SLC8A3: variants seen among roughly 807,000 people sequenced by gnomAD.
SLC8A3 encodes the protein sodium/calcium exchanger 3.
SLC8A3 carries 37 observed loss-of-function variants against 65.4 expected under a neutral mutation model. The ratio of observed to expected loss-of-function variants is 0.57; its 90% CI spans 0.44 to 0.74. SLC8A3 has a LOEUF of 0.74. Ranked by LOEUF, SLC8A3 falls within the 30% of genes least tolerant of loss-of-function variation. The probability of loss-of-function intolerance (pLI) is 0.00; values close to 1 mark genes in which losing one functional copy is unlikely to be tolerated. For missense variants in SLC8A3, 1,112 were observed against 1,172.1 expected (o/e 0.95, Z 0.75); for synonymous variants, 461 against 444.5 (o/e 1.04, Z -0.47).
intron 2 of SLC8A3, among the ~76,000 whole-genome samples, chr14:70,064,453 G>C (rs1044796766): frequency 3.3e-5 from 5 of 151,484 alleles, no homozygotes; most frequent in African/African-American, 9.7e-5. Flanking sequence ...AAACTGGTTT[G>C]TGGAAATCTT....
intron 2 of SLC8A3, among the ~76,000 whole-genome samples, chr14:70,164,389 A>G (rs1273263739): frequency 1.3e-5 from 2 of 152,174 alleles, no homozygotes; most frequent in East Asian, 3.9e-4. Context: ...TTATTCTGCA[A>G]TGAATGAAGT....
chr14:70,049,269 G>T (rs1210498731), intron 5 of SLC8A3, among the ~76,000 whole-genome samples: 1 of 152,200 alleles, frequency 6.6e-6, no homozygotes, highest in Admixed American at 6.5e-5. Context: ...TAGAGTGGGA[G>T]AGAGAGGGCC....
At chr14:70,075,540 G>A (rs1890426128) in intron 2 of SLC8A3, among the ~76,000 whole-genome samples, 2 of 152,076 alleles carry the variant, frequency 1.3e-5, no homozygotes, top group South Asian at 2.1e-4. Context: ...TTGGGCTTGC[G>A]TGAGTGGCCC....
intron 1 of SLC8A3, among the ~76,000 whole-genome samples, 155 bp downstream of exon 1, chr14:70,188,224 A>C (rs903798013): frequency 1.3e-5 from 2 of 152,144 alleles, no homozygotes; most frequent in African/African-American, 4.8e-5. Context: ...AATCCACAGG[A>C]AGGCGGTTCA....
chr14:70,106,639 T>C lies in SLC8A3; in HGVS notation c.1785-45700A>G, dbSNP rs557679676. Among the ~76,000 whole-genome samples, 30 of 151,720 alleles carry C rather than the reference T, an allele frequency of 2.0e-4. No homozygotes were observed. In the South Asian group the frequency reaches 6.0e-3, roughly 31 times the overall value. ...TGCCTAGAAGAGTGCCAGTATGGAA[T>C]CATGACCTCACTAGAGTAAACTGGG... On this transcript the variant is annotated intron_variant, in intron 2 of 6. Transcript: ENST00000356921.
At chr14:70,106,878 T>C (rs1483363462) in intron 2 of SLC8A3, among the ~76,000 whole-genome samples, 1 of 152,142 alleles carries the variant, frequency 6.6e-6, no homozygotes, top group Non-Finnish European at 1.5e-5. Flanking sequence ...ACCTGACCTA[T>C]GGGAATCCAG....
chr14:70,185,826 T>C (rs1221577039), intron 1 of SLC8A3, among the ~76,000 whole-genome samples: 2 of 152,212 alleles, frequency 1.3e-5, no homozygotes, highest in Non-Finnish European at 2.9e-5. Context: ...ACTTCAAAAA[T>C]ATAAGTTCAG....
At chr14:70,052,254 T>C (rs1282137597) in intron 3 of SLC8A3, 140 bp from the exon 4 acceptor site, 2 of 1,057,108 alleles carry the variant, frequency 1.9e-6, no homozygotes, top group Non-Finnish European at 2.6e-6. Flanking sequence ...TTTTAGTGCC[T>C]TTTTTATGAA....
intron 3 of SLC8A3, among the ~76,000 whole-genome samples, chr14:70,055,478 T>C (rs1888001495): frequency 6.6e-6 from 1 of 152,196 alleles, no homozygotes; most frequent in Admixed American, 6.5e-5. Flanking sequence ...AGATGGCAGA[T>C]GAATTAAGAC....
chr14:70,131,926 T>A (rs960225740), intron 2 of SLC8A3, among the ~76,000 whole-genome samples: 1 of 152,038 alleles, frequency 6.6e-6, no homozygotes. Flanking sequence ...TGTCTTTAAC[T>A]GGGAGGAGGA....
chr14:70,048,652 AGAGG>A, intron 6 of SLC8A3, 111 bp downstream of exon 6: 1 of 910,750 alleles, frequency 1.1e-6, no homozygotes, highest in Non-Finnish European at 1.8e-6. Context: ...CTTTAAGGGC[AGAGG>A]CTCTGTTAAG....
intron 5 of SLC8A3, 44 bp downstream of exon 5, chr14:70,050,964 G>A (rs1032940046): frequency 1.6e-6 from 2 of 1,276,546 alleles, no homozygotes; most frequent in Non-Finnish European, 2.3e-6. Flanking sequence ...CTTCTCAGAG[G>A]TTGCCTGCTT....
chr14:70,109,260 G>C (rs1285361095), intron 2 of SLC8A3, among the ~76,000 whole-genome samples: 1 of 141,164 alleles, frequency 7.1e-6, no homozygotes, highest in Non-Finnish European at 1.5e-5. Context: ...TTGTTACATA[G>C]GTATACATGT....
chr14:70,181,743 T>C (rs1482063711), intron 1 of SLC8A3, among the ~76,000 whole-genome samples: 1 of 152,126 alleles, frequency 6.6e-6, no homozygotes, highest in Non-Finnish European at 1.5e-5. Flanking sequence ...TACAAGGAAC[T>C]GCAAAAAATG....
At chr14:70,149,501 T>C (rs1275073224) in intron 2 of SLC8A3, among the ~76,000 whole-genome samples, 8 of 152,162 alleles carry the variant, frequency 5.3e-5, no homozygotes, top group African/African-American at 1.9e-4. Context: ...TCTGAAGCTG[T>C]AATTGTTCTG....
At chr14:70,050,132 C>T (rs1887313743) in intron 5 of SLC8A3, among the ~76,000 whole-genome samples, 1 of 152,174 alleles carries the variant, frequency 6.6e-6, no homozygotes, top group African/African-American at 2.4e-5. Flanking sequence ...CAGTCCCCTC[C>T]TTTGTAAAAG....
intron 2 of SLC8A3, among the ~76,000 whole-genome samples, chr14:70,099,592 T>C (rs1892427828): frequency 6.6e-6 from 1 of 152,222 alleles, no homozygotes; most frequent in Admixed American, 6.5e-5. Flanking sequence ...GTAAATGGTC[T>C]ACAAATGTAG....
At chr14:70,088,467 T>G (rs914150482) in intron 2 of SLC8A3, among the ~76,000 whole-genome samples, 2 of 152,294 alleles carry the variant, frequency 1.3e-5, no homozygotes. Flanking sequence ...CATCAGGCTA[T>G]CAATGCTTCT....
chr14:70,084,524 A>G (rs974253389), intron 2 of SLC8A3, among the ~76,000 whole-genome samples: 6 of 152,224 alleles, frequency 3.9e-5, no homozygotes, highest in African/African-American at 1.2e-4. Context: ...CTAAAGTAGC[A>G]AACTTGTCAT....
Sources: gnomAD v4.1 joint callset for allele counts (sites outside exome capture counted in the v4.1 genomes callset) on GRCh38, gnomAD v4.1.1 for gene constraint, MANE v1.5 for transcripts, NCBI Gene and HGNC (gene_info 2026-07-23, HGNC 2026-07-21) for gene names.